MSANTD4: variants seen among roughly 807,000 people sequenced by gnomAD.
MSANTD4 encodes the protein Myb/SANT DNA binding domain containing 4 with coiled-coils.
A neutral mutation model predicts 34.3 loss-of-function variants in MSANTD4; 13 were observed. That is an observed-to-expected ratio of 0.38 (90% CI 0.25 to 0.60). The LOEUF (loss-of-function observed/expected upper bound fraction) is 0.60. MSANTD4 is among the 20% of genes least tolerant of loss of function. The pLI is 0.63. For synonymous variants in MSANTD4, 137 were observed against 145.2 expected (o/e 0.94, Z 0.41); for missense variants, 358 against 401.8 (o/e 0.89, Z 0.93).
chr11:106,014,892 G>T (rs1859802339), intron 1 of MSANTD4, among the ~76,000 whole-genome samples: 1 of 151,846 alleles, frequency 6.6e-6, no homozygotes. Flanking sequence ...GAACTCTCAA[G>T]AAATCACTGT....
Position 106,009,856 on chromosome 11 carries a change from C to A in MSANTD4, c.717G>T (p.Arg239Ser). The A allele has an allele frequency of 6.2e-7, 1 of 1,613,906 alleles. No individual in the cohort carries two copies. The highest frequency in any genetic ancestry group is 1.1e-5 in the South Asian group (1 of 91,018). ...EKERLQIEKE[R>S]LRHLDMEHER... ...CATGTTCCATGTCTAAATGCCGCAG[C>A]CTCTCTTTCTCGATTTGTAGGCGTT... is the stretch of plus-strand genomic sequence containing the variant. The change falls in exon 3 of 3, where the codon AGG (arginine) becomes AGT (serine). Residue 239 changes from arginine to serine, a missense_variant. Coordinates refer to ENST00000301919, the MANE Select transcript of MSANTD4 (RefSeq NM_032424.3).
In MSANTD4 at chr11:106,021,604, G is replaced by T. The variant is rs1407717210; in HGVS notation, c.-793C>A. Reference sequence around the variant, plus strand: ...CTACCCAAATTCTCTTTAAAGTGTGGCTTTCCCCTCCCCTATATTCTTATA... The same window carrying T: ...CTACCCAAATTCTCTTTAAAGTGTGTCTTTCCCCTCCCCTATATTCTTATA... On this transcript the variant is annotated 5_prime_UTR_variant, in exon 1 of 3. Coordinates refer to ENST00000301919, the MANE Select transcript of MSANTD4 (RefSeq NM_032424.3). 6.6e-6 allele frequency: 1 copy of T among 152,132 alleles called. No homozygotes were observed. The highest frequency in any genetic ancestry group is 1.5e-5 in the Non-Finnish European group (1 of 68,032). 9.4% of individuals were successfully genotyped at this position (152,132 alleles called of 1,614,324 possible).
Position 106,010,115 on chromosome 11 carries a change from G to A in MSANTD4, c.463-5C>T. 2 of 1,544,008 alleles carry A rather than the reference G, an allele frequency of 1.3e-6. No homozygotes were observed. Among genetic ancestry groups the A allele is most frequent in the Non-Finnish European group, 1.7e-6 (2 of 1,153,840 alleles). On this transcript the variant is annotated splice_polypyrimidine_tract_variant and splice_region_variant and intron_variant, in intron 2 of 2. Coordinates refer to ENST00000301919, the MANE Select transcript of MSANTD4 (RefSeq NM_032424.3). ...TTCCTCCTCCTCAATTTCAAACTAA[G>A]AGCAAAGAGAAAAGCAATTTTCAGT...
intron 1 of MSANTD4, among the ~76,000 whole-genome samples, chr11:106,011,685 C>T (rs932660370): frequency 3.3e-5 from 5 of 152,148 alleles, no homozygotes; most frequent in Non-Finnish European, 1.5e-5. Context: ...TTCCACTGGC[C>T]ATCACCTCCC....
chr11:106,012,193 A>G (rs1859717468), intron 1 of MSANTD4, among the ~76,000 whole-genome samples: 1 of 151,948 alleles, frequency 6.6e-6, no homozygotes, highest in Non-Finnish European at 1.5e-5. Context: ...AAATATCACC[A>G]AAAAAATTTT....
In MSANTD4 at chr11:106,010,466, T is replaced by G; in HGVS notation, c.452A>C (p.Gln151Pro). 1 of 1,612,748 alleles carries G rather than the reference T, an allele frequency of 6.2e-7. No homozygotes were observed. Among genetic ancestry groups the G allele is most frequent in the South Asian group, 1.1e-5 (1 of 90,860 alleles). Reference protein sequence around the residue: ...VKVEEEERDPQSPEFEIEEEE... With the variant: ...VKVEEEERDPPSPEFEIEEEE... ...GAGGCTAATACTTACTTCAGGACTCTGCGGATCCCTTTCTTCCTCTTCCAC... is the reference window on the plus strand; with the variant it reads ...GAGGCTAATACTTACTTCAGGACTCGGCGGATCCCTTTCTTCCTCTTCCAC... Residue 151 changes from glutamine (Q) to proline (P), a missense_variant, in exon 2 of 3, where the codon CAG (glutamine) becomes CCG (proline). By Grantham distance (76) the Gln-to-Pro change is moderately conservative. Transcript: ENST00000301919.
intron 1 of MSANTD4, 96 bp downstream of exon 1, chr11:106,020,866 A>C (rs903361831): frequency 1.3e-5 from 2 of 152,206 alleles, no homozygotes; most frequent in Admixed American, 1.3e-4. Flanking sequence ...ATTGTGTGAA[A>C]ATCTTCTTCT....
chr11:106,021,785 C>G lies in MSANTD4; in HGVS notation c.-974G>C, dbSNP rs1402429043. ...TCCAAAAAGAGCCCCTGGGAAGAAT[C>G]GAGTTAGACTGGGCTCCCGGAAGGC... On this transcript the variant is annotated 5_prime_UTR_variant, in exon 1 of 3. Coordinates refer to ENST00000301919, the MANE Select transcript of MSANTD4 (RefSeq NM_032424.3). 2 of 152,136 alleles carry G rather than the reference C, an allele frequency of 1.3e-5. No homozygotes were observed. Among genetic ancestry groups the G allele is most frequent in the African/African-American group, 4.8e-5 (2 of 41,404 alleles). 9.4% of individuals were successfully genotyped at this position (152,136 alleles called of 1,614,324 possible). A position where few individuals can be genotyped will look rare whatever the true frequency, so the allele number is the denominator to read the frequency against.
intron 2 of MSANTD4, 113 bp downstream of exon 2, chr11:106,010,343 G>A (rs1432647862): frequency 2.8e-6 from 4 of 1,451,492 alleles, no homozygotes; most frequent in Admixed American, 5.1e-5. Context: ...GACTTGTTAT[G>A]TACTATTTTT....
intron 1 of MSANTD4, among the ~76,000 whole-genome samples, chr11:106,017,493 AT>A (rs916545389): frequency 6.6e-5 from 10 of 152,306 alleles, no homozygotes; most frequent in East Asian, 3.9e-4. Flanking sequence ...TTAAAGTCCC[AT>A]TTTTTTAAAA....
intron 1 of MSANTD4, among the ~76,000 whole-genome samples, chr11:106,017,704 A>G (rs1184090157): frequency 6.6e-6 from 1 of 152,222 alleles, no homozygotes; most frequent in Non-Finnish European, 1.5e-5. Flanking sequence ...CACATACATT[A>G]AAAAGCTATG....
Position 106,021,658 on chromosome 11 carries a change from G to A in MSANTD4, c.-847C>T, listed in dbSNP as rs1243962235. ...GATTCACTTCCCTGCCAAAAAGTAT[G>A]TTCTTCTCTAAAACTCGTGGTAGGT... On this transcript the variant is annotated 5_prime_UTR_variant, in exon 1 of 3. Coordinates refer to ENST00000301919, the MANE Select transcript of MSANTD4 (RefSeq NM_032424.3). The A allele has an allele frequency of 6.6e-6, 1 of 152,168 alleles. No individual in the cohort carries two copies. The highest frequency in any genetic ancestry group is 1.5e-5 in the Non-Finnish European group (1 of 68,066). The allele number at this position is 152,168 out of a possible 1,614,324, so 9.4% of individuals were successfully genotyped here. A position where few individuals can be genotyped will look rare whatever the true frequency, so the allele number is the denominator to read the frequency against.
At position 106,021,249 on chromosome 11, in the gene MSANTD4, A is replaced by G. The variant is rs538789423; in HGVS notation, c.-438T>C. The G allele has an allele frequency of 1.3e-5, 2 of 152,320 alleles. No individual in the cohort carries two copies. The highest frequency in any genetic ancestry group is 2.9e-5 in the Non-Finnish European group (2 of 68,034). 9.4% of individuals were successfully genotyped at this position (152,320 alleles called of 1,614,324 possible). A position where few individuals can be genotyped will look rare whatever the true frequency, so the allele number is the denominator to read the frequency against. ...AGGATTCAACAGCTGCAGTCTCTAA[A>G]ACTTACAAACCTTCTATGCCCAATC... On this transcript the variant is annotated 5_prime_UTR_variant, in exon 1 of 3. Coordinates refer to ENST00000301919, the MANE Select transcript of MSANTD4 (RefSeq NM_032424.3).
At position 106,008,002 on chromosome 11, in the gene MSANTD4, T is replaced by C. The variant is rs769361033; in HGVS notation, c.*1533A>G. 13 of 152,658 alleles carry C rather than the reference T, an allele frequency of 8.5e-5. No individual in the cohort carries two copies. The highest frequency in any genetic ancestry group is 1.9e-4 in the Non-Finnish European group (13 of 68,038). 9.5% of individuals were successfully genotyped at this position (152,658 alleles called of 1,614,324 possible). ...GTCAGAGTAAGTAAACAGAAGTATA[T>C]TTTTTCCTTGCATACCCATCCTCAA... On this transcript the variant is annotated 3_prime_UTR_variant, in exon 3 of 3. Coordinates refer to ENST00000301919, the MANE Select transcript of MSANTD4 (RefSeq NM_032424.3).
rs554449393 is a variant in MSANTD4, at chr11:106,019,180, T to G, written c.-151+1782A>C. On this transcript the variant is annotated intron_variant, in intron 1 of 2. Transcript: ENST00000301919. ...AACCTACTTTCCCAATCCACCTTCCTCATCAAACATGTACTCACATGTAGG... is the reference window on the plus strand; with the variant it reads ...AACCTACTTTCCCAATCCACCTTCCGCATCAAACATGTACTCACATGTAGG... Among the ~76,000 whole-genome samples, 68 of 152,254 alleles carry G rather than the reference T, an allele frequency of 4.5e-4. 2 individuals carry two copies. The South Asian group carries it at 0.014, about 31-fold the overall frequency.
In MSANTD4 at chr11:106,009,887, T is replaced by C. The variant is rs756472996; in HGVS notation, c.686A>G (p.Glu229Gly). The C allele has an allele frequency of 1.2e-6, 2 of 1,613,588 alleles. No homozygotes were observed. Among genetic ancestry groups the C allele is most frequent in the Non-Finnish European group, 1.7e-6 (2 of 1,179,916 alleles). ...TTTCTCGATTTGTAGGCGTTCCTTT[T>C]CTACCTGCAGCCTTTCGGCCTCGAT... ...LDIEAERLQV[E>G]KERLQIEKER... The change falls in exon 3 of 3, where the codon GAA (glutamate) becomes GGA (glycine). Residue 229 changes from glutamate (E) to glycine (G), a missense_variant. Glu to Gly is a moderately conservative substitution (Grantham distance 98, BLOSUM62 -2). Transcript: ENST00000301919.
intron 1 of MSANTD4, among the ~76,000 whole-genome samples, chr11:106,013,723 A>G (rs1038255958): frequency 1.1e-4 from 17 of 152,302 alleles, no homozygotes; most frequent in African/African-American, 2.4e-5. Context: ...TTAGCTGGGC[A>G]TGGTGGTGCA....
intron 1 of MSANTD4, among the ~76,000 whole-genome samples, chr11:106,019,620 T>C (rs1859969185): frequency 6.6e-6 from 1 of 152,188 alleles, no homozygotes; most frequent in Admixed American, 6.5e-5. Context: ...TTCCAGGATC[T>C]CTTCACTGTT....
In MSANTD4 at chr11:106,009,803, A is replaced by C; in HGVS notation, c.770T>G (p.Leu257Arg). Residue 257 changes from leucine to arginine, a missense_variant, in exon 3 of 3, where the codon CTG (leucine) becomes CGG (arginine). Leu to Arg is a moderately radical substitution (Grantham distance 102, BLOSUM62 -2). This residue lies in a region of MSANTD4 where 312 missense variants were observed against 317.6 expected (regional missense o/e 0.98). Coordinates refer to ENST00000301919, the MANE Select transcript of MSANTD4 (RefSeq NM_032424.3). ...HERLQLEKER[L>R]QIEREKLRLQ... is the part of the protein sequence containing the mutation. Reference sequence around the variant, plus strand: ...CCTCAACTTTTCTCTTTCAATCTGCAGCCGCTCCTTCTCTAGCTGAAGCCG... The same window carrying C: ...CCTCAACTTTTCTCTTTCAATCTGCCGCCGCTCCTTCTCTAGCTGAAGCCG... The C allele has an allele frequency of 6.2e-7, 1 of 1,614,170 alleles. No homozygotes were observed. The highest frequency in any genetic ancestry group is 8.5e-7 in the Non-Finnish European group (1 of 1,180,040).
Sources: gnomAD v4.1 joint callset for allele counts (sites outside exome capture counted in the v4.1 genomes callset) on GRCh38, gnomAD v4.1.1 for gene constraint, gnomAD v4.1.1 regional missense constraint, MANE v1.5 for transcripts, NCBI Gene and HGNC (gene_info 2026-07-23, HGNC 2026-07-21) for gene names.